Variants in DNER observed in about 807,000 individuals in gnomAD.
DNER encodes delta and Notch-like epidermal growth factor-related receptor.
In DNER, 33 loss-of-function variants were observed where a neutral mutation model predicts 78.2. That is an observed-to-expected ratio of 0.42 (90% CI 0.32 to 0.56). The LOEUF (loss-of-function observed/expected upper bound fraction) is 0.56, where lower values mean the gene tolerates loss of function less well. DNER is among the 20% of genes least tolerant of loss of function. DNER has a pLI of 0.11. For synonymous variants in DNER, 417 were observed against 384.8 expected (o/e 1.08, Z -0.98); for missense variants, 918 against 975.3 (o/e 0.94, Z 0.78).
At chr2:229,641,411 G>A (rs6754103) in intron 1 of DNER, among the ~76,000 whole-genome samples, 46,998 of 151,880 alleles carry the variant, frequency 0.31, 8,031 homozygotes, top group African/African-American at 0.45. Flanking sequence ...TAGAGTTTAC[G>A]GCAGGAAAAG....
At chr2:229,539,035 G>A (rs971975991) in intron 5 of DNER, among the ~76,000 whole-genome samples, 14 of 152,258 alleles carry the variant, frequency 9.2e-5, no homozygotes, top group African/African-American at 3.1e-4. Context: ...TGAACAGAAC[G>A]ATTACAAAGT....
chr2:229,371,294 C>T (rs1454621949), intron 11 of DNER, among the ~76,000 whole-genome samples: 1 of 152,176 alleles, frequency 6.6e-6, no homozygotes, highest in Non-Finnish European at 1.5e-5. Flanking sequence ...AGATGCTATC[C>T]TCATAAGTCA....
At chr2:229,418,681 A>G (rs1265809880) in intron 8 of DNER, among the ~76,000 whole-genome samples, 1 of 152,078 alleles carries the variant, frequency 6.6e-6, no homozygotes, top group East Asian at 1.9e-4. Context: ...GCACTTTGGG[A>G]TACCGAGGCA....
intron 10 of DNER, among the ~76,000 whole-genome samples, chr2:229,400,422 T>C (rs915508625): frequency 6.6e-6 from 1 of 151,752 alleles, no homozygotes; most frequent in Admixed American, 6.6e-5. Context: ...TATTCTCCAA[T>C]TAAAAAAACC....
intron 1 of DNER, among the ~76,000 whole-genome samples, chr2:229,602,493 A>T (rs1374958471): frequency 6.6e-5 from 10 of 152,172 alleles, no homozygotes. Context: ...CAGTGCAATG[A>T]GGCAAAAATA....
chr2:229,487,106 T>C (rs905072782), intron 6 of DNER, among the ~76,000 whole-genome samples: 7 of 152,204 alleles, frequency 4.6e-5, no homozygotes, highest in Non-Finnish European at 1.0e-4. Context: ...TCAAATATTA[T>C]ATGACATCAA....
At chr2:229,410,292 C>G (rs1693482307) in intron 9 of DNER, among the ~76,000 whole-genome samples, 1 of 152,204 alleles carries the variant, frequency 6.6e-6, no homozygotes, top group Non-Finnish European at 1.5e-5. Flanking sequence ...CATAACTTAT[C>G]TGCTCTCCTG....
intron 5 of DNER, among the ~76,000 whole-genome samples, chr2:229,527,732 TTTAAG>T (rs1696234955): frequency 1.3e-5 from 2 of 152,230 alleles, no homozygotes; most frequent in African/African-American, 4.8e-5. Flanking sequence ...ATAACTTTTT[TTTAAG>T]TTATTTTCTC....
chr2:229,629,616 T>A (rs1698401425), intron 1 of DNER, among the ~76,000 whole-genome samples: 1 of 152,112 alleles, frequency 6.6e-6, no homozygotes, highest in Non-Finnish European at 1.5e-5. Context: ...CTTCCAGTCA[T>A]CCCAAAATGA....
chr2:229,623,023 G>A (rs148646172), intron 1 of DNER, among the ~76,000 whole-genome samples: 5 of 152,274 alleles, frequency 3.3e-5, no homozygotes, highest in Admixed American at 6.5e-5. Flanking sequence ...CCGTTGGTTT[G>A]TGCCACCTGC....
intron 1 of DNER, among the ~76,000 whole-genome samples, chr2:229,646,296 A>G (rs1009119966): frequency 2.6e-5 from 4 of 152,242 alleles, no homozygotes; most frequent in Non-Finnish European, 4.4e-5. Flanking sequence ...TGCCAAGAAA[A>G]AAATGTGTAA....
intron 1 of DNER, among the ~76,000 whole-genome samples, chr2:229,649,930 C>T (rs1698784328): frequency 6.6e-6 from 1 of 151,912 alleles, no homozygotes; most frequent in East Asian, 1.9e-4. Flanking sequence ...AAAAAATTAG[C>T]CGGGCGTGGT....
intron 5 of DNER, among the ~76,000 whole-genome samples, chr2:229,526,985 C>T (rs574258818): frequency 6.6e-6 from 1 of 152,130 alleles, no homozygotes; most frequent in Non-Finnish European, 1.5e-5. Context: ...TACTACGGTC[C>T]TCGGTGTGGA....
chr2:229,388,634 TATATATATATATAG>T (rs1204420402), intron 10 of DNER, among the ~76,000 whole-genome samples: 24 of 105,750 alleles, frequency 2.3e-4, no homozygotes, highest in African/African-American at 9.2e-4. Context: ...TATATATATA[TATATATATATATAG>T]CACTGGTAAA....
intron 6 of DNER, among the ~76,000 whole-genome samples, chr2:229,496,072 T>C (rs1220814795): frequency 6.6e-6 from 1 of 152,170 alleles, no homozygotes; most frequent in African/African-American, 2.4e-5. Context: ...TAAAGAGACC[T>C]CAAAGCTTCT....
chr2:229,432,362 A>G (rs1694024852), intron 8 of DNER, among the ~76,000 whole-genome samples: 1 of 152,174 alleles, frequency 6.6e-6, no homozygotes, highest in Admixed American at 6.5e-5. Context: ...GGGCCAGCAA[A>G]GGCAACAAAT....
At chr2:229,508,644 G>C (rs891312555) in intron 6 of DNER, among the ~76,000 whole-genome samples, 2 of 152,196 alleles carry the variant, frequency 1.3e-5, no homozygotes, top group Non-Finnish European at 2.9e-5. Context: ...CACTTTGGGA[G>C]GCCGAGACGG....
chr2:229,644,258 C>T (rs546421729), intron 1 of DNER, among the ~76,000 whole-genome samples: 1 of 151,810 alleles, frequency 6.6e-6, no homozygotes, highest in East Asian at 1.9e-4. Context: ...ATGGGGTATC[C>T]ATCCCCTCAA....
chr2:229,599,925 A>T (rs955145396), intron 1 of DNER, among the ~76,000 whole-genome samples: 9 of 152,198 alleles, frequency 5.9e-5, no homozygotes, highest in African/African-American at 1.9e-4. Flanking sequence ...GGAGGAAAAC[A>T]GAAAAGGAAA....
Sources: allele counts gnomAD v4.1 joint callset (sites outside exome capture counted in the v4.1 genomes callset), GRCh38; gene constraint gnomAD v4.1.1; transcripts MANE v1.5; gene names NCBI Gene and HGNC (gene_info 2026-07-23, HGNC 2026-07-21).